CAMP: variants seen among roughly 807,000 people sequenced by gnomAD.
CAMP encodes the protein cathelicidin antimicrobial peptide, also known as 18 kDa cationic antimicrobial protein.
CAMP carries 10 observed loss-of-function variants against 12.7 expected under a neutral mutation model. That is an observed-to-expected ratio of 0.79 (90% CI 0.49 to 1.34). The LOEUF (loss-of-function observed/expected upper bound fraction) is 1.34. Among genes scored for constraint, CAMP ranks in the 40% most tolerant of loss-of-function variants. CAMP has a pLI of 0.00. For missense variants in CAMP, 205 were observed against 213.0 expected (o/e 0.96, Z 0.23); for synonymous variants, 87 against 85.2 (o/e 1.02, Z -0.12).
Position 48,223,562 on chromosome 3 carries a change from C to G in CAMP, c.51C>G (p.Leu17=). ...GHSLGRWSLV[L]LLLGLVMPLA... Reference sequence around the variant, plus strand: ...CCCTGGGGCGGTGGTCACTGGTGCTCCTGCTGCTGGGCCTGGTGATGCCTC... The same window carrying G: ...CCCTGGGGCGGTGGTCACTGGTGCTGCTGCTGCTGGGCCTGGTGATGCCTC... Residue 17 remains leucine, a synonymous_variant, in exon 1 of 4, where the codon CTC becomes CTG. Transcript: ENST00000652295. The G allele has an allele frequency of 6.2e-7, 1 of 1,612,134 alleles. No homozygotes were observed. The highest frequency in any genetic ancestry group is 8.5e-7 in the Non-Finnish European group (1 of 1,179,250).
At position 48,225,383 on chromosome 3, in the gene CAMP, A is replaced by C; in HGVS notation, c.472A>C (p.Lys158Gln). ...KEFKRIVQRIKDFLRNLVPRT... is the reference protein window; with the variant it reads ...KEFKRIVQRIQDFLRNLVPRT... ...GTTTAAAAGAATTGTCCAGAGAATC[A>C]AGGATTTTTTGCGGAATCTTGTACC... The change falls in exon 4 of 4, where the codon AAG becomes CAG. Residue 158 changes from lysine (K) to glutamine (Q), a missense_variant. By Grantham distance (53) the Lys-to-Gln change is moderately conservative. Coordinates refer to ENST00000652295, the MANE Select transcript of CAMP (RefSeq NM_004345.5). 1 of 1,613,838 alleles carries C rather than the reference A, an allele frequency of 6.2e-7. No homozygotes were observed. Among genetic ancestry groups the C allele is most frequent in the Non-Finnish European group, 8.5e-7 (1 of 1,179,790 alleles).
At position 48,225,398 on chromosome 3, in the gene CAMP, A is replaced by C. The variant is rs764354350; in HGVS notation, c.487A>C (p.Asn163His). Residue 163 changes from asparagine (N) to histidine (H), a missense_variant, in exon 4 of 4, where the codon AAT (asparagine) becomes CAT (histidine). Coordinates refer to ENST00000652295, the MANE Select transcript of CAMP (RefSeq NM_004345.5). ...CCAGAGAATCAAGGATTTTTTGCGGAATCTTGTACCCAGGACAGAGTCCTA... is the reference window on the plus strand; with the variant it reads ...CCAGAGAATCAAGGATTTTTTGCGGCATCTTGTACCCAGGACAGAGTCCTA... ...IVQRIKDFLRNLVPRTES is the reference protein window; with the variant it reads ...IVQRIKDFLRHLVPRTES The C allele has an allele frequency of 8.7e-6, 14 of 1,613,598 alleles. No homozygotes were observed. The highest frequency in any genetic ancestry group is 1.2e-5 in the Non-Finnish European group (14 of 1,179,760).
At chr3:48,224,230 A>AAGCCCAGCACCCAGTGCCC in intron 1 of CAMP, 124 bp from the exon 2 acceptor site, 2 of 675,746 alleles carry the variant, frequency 3.0e-6, no homozygotes, top group East Asian at 2.7e-5. Flanking sequence ...CCCCAGTGCC[A>AAGCCCAGCACCCAGTGCCC]AGCCCAGCAC....
rs2033457273 is a variant in CAMP, at chr3:48,223,726, GA to G, written c.201+15del. On this transcript the variant is annotated intron_variant, in intron 1 of 3. Transcript: ENST00000652295. Reference sequence around the variant, plus strand: ...AGGCCCACGATGGTGAGCTTTGGGGGACATTCTGCTCTGCTCTGGCTGGGCT... The same window carrying G: ...AGGCCCACGATGGTGAGCTTTGGGGGCATTCTGCTCTGCTCTGGCTGGGCT... 1 of 1,607,028 alleles carries G rather than the reference GA, an allele frequency of 6.2e-7. No individual in the cohort carries two copies. Among genetic ancestry groups the G allele is most frequent in the Admixed American group, 1.7e-5 (1 of 59,854 alleles).
chr3:48,225,409 C>T lies in CAMP; in HGVS notation c.498C>T (p.Pro166=). The T allele has an allele frequency of 6.2e-7, 1 of 1,613,612 alleles. No homozygotes were observed. The highest frequency in any genetic ancestry group is 8.5e-7 in the Non-Finnish European group (1 of 1,179,672). Residue 166 remains proline, a synonymous_variant, in exon 4 of 4, where the codon CCC becomes CCT. Coordinates refer to ENST00000652295, the MANE Select transcript of CAMP (RefSeq NM_004345.5). The stretch of plus-strand genomic sequence containing the variant: ...AGGATTTTTTGCGGAATCTTGTACC[C>T]AGGACAGAGTCCTAGTGTGTGCCCT... ...RIKDFLRNLV[P]RTES
intron 1 of CAMP, 119 bp from the exon 2 acceptor site, chr3:48,224,235 C>T (rs1340603340): frequency 7.2e-6 from 5 of 692,682 alleles, no homozygotes; most frequent in African/African-American, 3.6e-5. Context: ...GTGCCAAGCC[C>T]AGCACCCAGT....
chr3:48,225,167 T>C (rs1370948033), intron 3 of CAMP, 126 bp from the exon 4 acceptor site: 5 of 785,686 alleles, frequency 6.4e-6, no homozygotes, highest in Non-Finnish European at 1.1e-5. Flanking sequence ...CAGCCAGAGG[T>C]TGAACTGGGG....
intron 1 of CAMP, 129 bp downstream of exon 1, chr3:48,223,841 A>ACT (rs2033459610): frequency 1.4e-6 from 1 of 700,140 alleles, no homozygotes; most frequent in Non-Finnish European, 2.5e-6. Context: ...TTTCCAGGGA[A>ACT]CCTTCTAGAG....
At chr3:48,224,241 C>A in intron 1 of CAMP, 113 bp from the exon 2 acceptor site, 1 of 707,602 alleles carries the variant, frequency 1.4e-6, no homozygotes, top group South Asian at 1.7e-5. Flanking sequence ...AGCCCAGCAC[C>A]CAGTGCCCGT....
chr3:48,224,908 T>G (rs1250207845), intron 3 of CAMP, among the ~76,000 whole-genome samples: 1 of 152,138 alleles, frequency 6.6e-6, no homozygotes, highest in African/African-American at 2.4e-5. Context: ...CAGGCCCTAC[T>G]CAGACCTACT....
Position 48,224,488 on chromosome 3 carries a change from T to C in CAMP, c.309+27T>C, listed in dbSNP as rs377458176. ...TGAGGCTGGGGGCTGGGGGTGTTGG[T>C]GGGTGCCTCCCAAGGAGCTGAACAG... On this transcript the variant is annotated intron_variant, in intron 2 of 3. Coordinates refer to ENST00000652295, the MANE Select transcript of CAMP (RefSeq NM_004345.5). 22 of 1,566,752 alleles carry C rather than the reference T, an allele frequency of 1.4e-5. No homozygotes were observed. In the African/African-American group the frequency reaches 3.0e-4, roughly 21 times the overall value.
rs1371744783 is a variant in CAMP at position 48,223,682 on chromosome 3, C to T, written c.171C>T (p.Arg57=). The T allele has an allele frequency of 1.2e-6, 2 of 1,614,096 alleles. No homozygotes were observed. The highest frequency in any genetic ancestry group is 1.7e-6 in the Non-Finnish European group (2 of 1,179,984). Residue 57 remains arginine, a synonymous_variant, in exon 1 of 4, where the codon CGC becomes CGT. Coordinates refer to ENST00000652295, the MANE Select transcript of CAMP (RefSeq NM_004345.5). ...NQRSSDANLY[R]LLDLDPRPTM... ...GGTCCTCGGATGCTAACCTCTACCG[C>T]CTCCTGGACCTGGACCCCAGGCCCA...
At position 48,224,435 on chromosome 3, in the gene CAMP, G is replaced by C; in HGVS notation, c.283G>C (p.Glu95Gln). ...CCCCAGGACGACACAGCAGTCACCA[G>C]AGGATTGTGACTTCAAGAAGGACGG... ...VCPRTTQQSP[E>Q]DCDFKKDGLV... Residue 95 changes from glutamate to glutamine, a missense_variant, in exon 2 of 4, where the codon GAG (glutamate) becomes CAG (glutamine). Physicochemically the swap from Glu to Gln is conservative, Grantham distance 29. Coordinates refer to ENST00000652295, the MANE Select transcript of CAMP (RefSeq NM_004345.5). 6.2e-7 allele frequency: 1 copy of C among 1,613,076 alleles called. No homozygotes were observed.
rs1375514871 is a variant in CAMP at position 48,224,397 on chromosome 3, A to G, written c.245A>G (p.Lys82Arg). The G allele has an allele frequency of 6.2e-7, 1 of 1,613,914 alleles. No individual in the cohort carries two copies. The highest frequency in any genetic ancestry group is 2.2e-5 in the East Asian group (1 of 44,884). ...CCAAAGCCTGTGAGCTTCACAGTGA[A>G]GGAGACAGTGTGCCCCAGGACGACA... is the stretch of plus-strand genomic sequence containing the variant. ...DTPKPVSFTVKETVCPRTTQQ... is the reference protein window; with the variant it reads ...DTPKPVSFTVRETVCPRTTQQ... The change falls in exon 2 of 4, where the codon AAG becomes AGG. Residue 82 changes from lysine to arginine, a missense_variant. Lys to Arg is a conservative substitution (Grantham distance 26). Transcript: ENST00000652295.
At chr3:48,223,736 T>A (rs1456046923) in intron 1 of CAMP, 24 bp downstream of exon 1, 1 of 1,592,232 alleles carries the variant, frequency 6.3e-7, no homozygotes, top group African/African-American at 1.3e-5. Context: ...GACATTCTGC[T>A]CTGCTCTGGC....
At chr3:48,225,071 C>T (rs1442475471) in intron 3 of CAMP, among the ~76,000 whole-genome samples, 1 of 152,140 alleles carries the variant, frequency 6.6e-6, no homozygotes, top group Non-Finnish European at 1.5e-5. Flanking sequence ...GCTGTGTGAC[C>T]CTGCAGAGCC....
rs1351257742 is a variant in CAMP at position 48,224,470 on chromosome 3, G to A, written c.309+9G>A. On this transcript the variant is annotated intron_variant, in intron 2 of 3. Coordinates refer to ENST00000652295, the MANE Select transcript of CAMP (RefSeq NM_004345.5). Reference sequence around the variant, plus strand: ...ACTTCAAGAAGGACGGGGTGAGGCTGGGGGCTGGGGGTGTTGGTGGGTGCC... The same window carrying A: ...ACTTCAAGAAGGACGGGGTGAGGCTAGGGGCTGGGGGTGTTGGTGGGTGCC... 1.9e-6 allele frequency: 3 copies of A among 1,596,034 alleles called. No homozygotes were observed. Among genetic ancestry groups the A allele is most frequent in the African/African-American group, 2.7e-5 (2 of 74,556 alleles).
Position 48,224,343 on chromosome 3 carries a change from C to T in CAMP, c.202-11C>T, listed in dbSNP as rs972507618. On this transcript the variant is annotated splice_polypyrimidine_tract_variant and intron_variant, in intron 1 of 3. Coordinates refer to ENST00000652295, the MANE Select transcript of CAMP (RefSeq NM_004345.5). Reference sequence around the variant, plus strand: ...ACAAGAATGGGCCTCCCCATTTCCTCCTCTGACTAGGATGGGGACCCAGAC... The same window carrying T: ...ACAAGAATGGGCCTCCCCATTTCCTTCTCTGACTAGGATGGGGACCCAGAC... 1 of 1,583,626 alleles carries T rather than the reference C, an allele frequency of 6.3e-7. No individual in the cohort carries two copies. The highest frequency in any genetic ancestry group is 8.7e-7 in the Non-Finnish European group (1 of 1,152,172).
At chr3:48,224,257 A>G in intron 1 of CAMP, 97 bp from the exon 2 acceptor site, 1 of 797,872 alleles carries the variant, frequency 1.3e-6, no homozygotes. Flanking sequence ...CCCGTCGCAC[A>G]TCAGGTACTG....
Sources: gnomAD v4.1 joint callset for allele counts (sites outside exome capture counted in the v4.1 genomes callset) on GRCh38, gnomAD v4.1.1 for gene constraint, MANE v1.5 for transcripts, NCBI Gene and HGNC (gene_info 2026-07-23, HGNC 2026-07-21) for gene names.